The following ASTN1 variants were observed in gnomAD, a reference collection of about 807,000 sequenced individuals.
ASTN1 encodes astrotactin-1.
ASTN1 carries 41 observed loss-of-function variants against 140.7 expected under a neutral mutation model. The observed-to-expected ratio is 0.29, with a 90% CI of 0.23 to 0.38. The LOEUF is 0.38. ASTN1 is among the 10% of genes least tolerant of loss of function. ASTN1 has a pLI of 1.00. For synonymous variants in ASTN1, 640 were observed against 652.2 expected (o/e 0.98, Z 0.29); for missense variants, 1,479 against 1,678.8 (o/e 0.88, Z 2.08).
In ASTN1 at chr1:177,048,014, GC is replaced by G. The variant is rs551944777; in HGVS notation, c.471+13063del. ...GAAAATTTCTGGATGCAAAATACAG[GC>G]CTTTGAATGCACTTACAGTATTATA... On this transcript the variant is annotated intron_variant, in intron 2 of 22. Transcript: ENST00000361833. 6.3e-4 allele frequency among the ~76,000 whole-genome samples: 96 copies of G among 152,274 alleles called. 2 individuals are homozygous for G. The highest frequency in any genetic ancestry group is 6.8e-3 in the Middle Eastern group (2 of 294).
intron 17 of ASTN1, among the ~76,000 whole-genome samples, chr1:176,893,394 G>T (rs888027124): frequency 6.6e-6 from 1 of 152,110 alleles, no homozygotes; most frequent in African/African-American, 2.4e-5. Flanking sequence ...CCATCCTTCC[G>T]AAGGTCTCTT....
intron 13 of ASTN1, among the ~76,000 whole-genome samples, chr1:176,944,629 T>G (rs1029958759): frequency 2.0e-5 from 3 of 152,212 alleles, no homozygotes; most frequent in African/African-American, 7.2e-5. Flanking sequence ...TAAATACATG[T>G]CGGAGTAAGA....
At chr1:177,075,166 C>G (rs1445980570) in intron 1 of ASTN1, among the ~76,000 whole-genome samples, 12 of 151,848 alleles carry the variant, frequency 7.9e-5, no homozygotes. Context: ...CTCCGCCTCC[C>G]AGGTTCAAGC....
At chr1:176,959,045 C>T (rs1009626751) in intron 9 of ASTN1, among the ~76,000 whole-genome samples, 2 of 152,188 alleles carry the variant, frequency 1.3e-5, no homozygotes, top group Admixed American at 6.5e-5. Flanking sequence ...GATTTATTCT[C>T]TGCACTCCTA....
At chr1:176,937,953 C>A (rs188912216) in intron 14 of ASTN1, among the ~76,000 whole-genome samples, 1 of 151,970 alleles carries the variant, frequency 6.6e-6, no homozygotes, top group Admixed American at 6.6e-5. Flanking sequence ...TGAGTAATTG[C>A]CAAATTTTCA....
chr1:176,930,738 A>G (rs1671171823), intron 16 of ASTN1, among the ~76,000 whole-genome samples: 1 of 152,174 alleles, frequency 6.6e-6, no homozygotes, highest in Non-Finnish European at 1.5e-5. Flanking sequence ...CTGTTTTTGT[A>G]GAGTAAAACA....
intron 1 of ASTN1, among the ~76,000 whole-genome samples, chr1:177,143,904 A>G (rs775458471): frequency 2.0e-5 from 3 of 152,194 alleles, no homozygotes; most frequent in Non-Finnish European, 4.4e-5. Context: ...AAGCTAAGTG[A>G]AAGGTAGGTG....
At chr1:176,860,944 T>G (rs1667939526), downstream of ASTN1, 1 of 355,712 alleles carries the variant, frequency 2.8e-6, no homozygotes, top group South Asian at 1.1e-4. Context: ...CCAGTTAGAA[T>G]GATGACTATA....
intron 16 of ASTN1, among the ~76,000 whole-genome samples, chr1:176,918,788 T>G (rs1670602560): frequency 1.3e-5 from 2 of 152,188 alleles, no homozygotes; most frequent in African/African-American, 4.8e-5. Flanking sequence ...GCATTCCTCT[T>G]GGTGGCTTCC....
At chr1:176,887,000 T>C (rs1227962966) in intron 18 of ASTN1, among the ~76,000 whole-genome samples, 1 of 152,192 alleles carries the variant, frequency 6.6e-6, no homozygotes, top group Non-Finnish European at 1.5e-5. Context: ...GCCAGTTCTG[T>C]TTCGTCTTCC....
chr1:177,046,622 C>G (rs528120644), intron 2 of ASTN1, among the ~76,000 whole-genome samples: 7 of 152,256 alleles, frequency 4.6e-5, no homozygotes, highest in African/African-American at 1.4e-4. Context: ...CTCTGAAAAC[C>G]TTTTATAGTA....
At chr1:176,996,463 A>G (rs750910613) in intron 8 of ASTN1, among the ~76,000 whole-genome samples, 12 of 152,020 alleles carry the variant, frequency 7.9e-5, no homozygotes, top group South Asian at 6.2e-4. Flanking sequence ...TAGATTACCA[A>G]CTGTAACCTC....
At chr1:176,922,543 C>T (rs1670775066) in intron 16 of ASTN1, among the ~76,000 whole-genome samples, 1 of 121,678 alleles carries the variant, frequency 8.2e-6, no homozygotes, top group African/African-American at 3.5e-5. Flanking sequence ...AGTGTCCACT[C>T]CAGCCCCCAC....
chr1:176,957,670 A>G lies in ASTN1; in HGVS notation c.1887+8T>C. The G allele has an allele frequency of 6.2e-7, 1 of 1,613,816 alleles. No homozygotes were observed. The highest frequency in any genetic ancestry group is 8.5e-7 in the Non-Finnish European group (1 of 1,179,888). ...AACAGAAACTACTAGCTTGCAGGGC[A>G]GACCTACCACGCAACCAGTGGAGTC... On this transcript the variant is annotated splice_region_variant and intron_variant, in intron 11 of 22. Coordinates refer to ENST00000361833, the MANE Select transcript of ASTN1 (RefSeq NM_004319.3).
At chr1:176,972,757 C>A (rs543317815) in intron 8 of ASTN1, among the ~76,000 whole-genome samples, 3 of 152,086 alleles carry the variant, frequency 2.0e-5, no homozygotes, top group Non-Finnish European at 4.4e-5. Context: ...TAGTAGAAAA[C>A]AAACTTATTT....
At chr1:176,865,756 G>A (rs922135649) in intron 22 of ASTN1, among the ~76,000 whole-genome samples, 3 of 152,146 alleles carry the variant, frequency 2.0e-5, no homozygotes, top group Non-Finnish European at 4.4e-5. Context: ...ACCTGAGACT[G>A]GGCAATTTAC....
Position 177,024,754 on chromosome 1 carries a change from G to A in ASTN1, c.1121-22C>T, listed in dbSNP as rs375486884. Reference sequence around the variant, plus strand: ...CCCACTGAAAGTGAGACAAAAGCAAGATACATGGTGGTAAAAAGCTTGGCA... The same window carrying A: ...CCCACTGAAAGTGAGACAAAAGCAAAATACATGGTGGTAAAAAGCTTGGCA... On this transcript the variant is annotated intron_variant, in intron 5 of 22. Coordinates refer to ENST00000361833, the MANE Select transcript of ASTN1 (RefSeq NM_004319.3). The A allele has an allele frequency of 6.2e-6, 10 of 1,603,394 alleles. No homozygotes were observed. The South Asian group carries it at 7.7e-5, about 12-fold the overall frequency.
intron 11 of ASTN1, among the ~76,000 whole-genome samples, chr1:176,949,768 G>GT (rs1672116562): frequency 6.6e-6 from 1 of 152,202 alleles, no homozygotes; most frequent in Admixed American, 6.5e-5. Flanking sequence ...GGTACTATGA[G>GT]TTTTTTAAGT....
rs1000987222 is a variant in ASTN1, at chr1:176,861,768, G to C, written c.*2516C>G. On this transcript the variant is annotated 3_prime_UTR_variant, in exon 23 of 23. Coordinates refer to ENST00000361833, the MANE Select transcript of ASTN1 (RefSeq NM_004319.3). ...GGAGGAAGAAAGTCTTGGGGAAAGAGGAGGCCAAAAAAGGAGGGTCACAGA... is the reference window on the plus strand; with the variant it reads ...GGAGGAAGAAAGTCTTGGGGAAAGACGAGGCCAAAAAAGGAGGGTCACAGA... The C allele has an allele frequency of 1.0e-6, 1 of 985,216 alleles. No homozygotes were observed. Among genetic ancestry groups the C allele is most frequent in the East Asian group, 1.1e-4 (1 of 8,812 alleles). The allele number at this position is 985,216 out of a possible 1,614,324, so 61.0% of individuals were successfully genotyped here.
Sources: allele counts gnomAD v4.1 joint callset (sites outside exome capture counted in the v4.1 genomes callset), GRCh38; gene constraint gnomAD v4.1.1; transcripts MANE v1.5; gene names NCBI Gene and HGNC (gene_info 2026-07-23, HGNC 2026-07-21).